SNX8: variants seen among roughly 807,000 people sequenced by gnomAD.
SNX8 encodes the protein sorting nexin-8.
In SNX8, 25 loss-of-function variants were observed where a neutral mutation model predicts 51.6. That is an observed-to-expected ratio of 0.48 (90% CI 0.35 to 0.68). The LOEUF (loss-of-function observed/expected upper bound fraction) is 0.68. SNX8 is among the 30% of genes least tolerant of loss of function. The probability of loss-of-function intolerance (pLI) is 0.00; values close to 1 mark genes in which losing one functional copy is unlikely to be tolerated. For missense variants in SNX8, 695 were observed against 624.0 expected (o/e 1.11, Z -1.21); for synonymous variants, 324 against 277.0 (o/e 1.17, Z -1.68).
At chr7:2,319,929 G>A (rs748875670) in intron 1 of SNX8, among the ~76,000 whole-genome samples, 5 of 152,060 alleles carry the variant, frequency 3.3e-5, no homozygotes, top group East Asian at 3.9e-4. Flanking sequence ...GCAGTGAGCC[G>A]AGATCATGCC....
intron 1 of SNX8, among the ~76,000 whole-genome samples, chr7:2,300,621 G>A (rs971150805): frequency 2.0e-5 from 3 of 151,308 alleles, no homozygotes; most frequent in African/African-American, 7.3e-5. Context: ...GCTATGTAAT[G>A]CCCAGGCTGG....
chr7:2,333,272 A>G (rs1778771971), intron 1 of SNX8, among the ~76,000 whole-genome samples: 1 of 152,094 alleles, frequency 6.6e-6, no homozygotes. Context: ...TTTACAAAAA[A>G]TAAAATTTGG....
chr7:2,328,334 G>C (rs1382775340), intron 1 of SNX8, among the ~76,000 whole-genome samples: 1 of 152,054 alleles, frequency 6.6e-6, no homozygotes, highest in Non-Finnish European at 1.5e-5. Context: ...TGGGATTACA[G>C]GTGTGAGCCA....
chr7:2,308,912 C>T (rs35879307), intron 1 of SNX8, among the ~76,000 whole-genome samples: 62,237 of 151,112 alleles, frequency 0.41, 15,677 homozygotes, highest in Non-Finnish European at 0.55. Flanking sequence ...ACCTCAGCCT[C>T]CCGAGTAGCT....
intron 1 of SNX8, among the ~76,000 whole-genome samples, chr7:2,331,282 A>C (rs1778730124): frequency 6.6e-6 from 1 of 151,894 alleles, no homozygotes; most frequent in South Asian, 2.1e-4. Context: ...CATCAAATCC[A>C]GAAAAGCTAC....
At chr7:2,279,333 C>T (rs1427911181) in intron 1 of SNX8, among the ~76,000 whole-genome samples, 1 of 151,702 alleles carries the variant, frequency 6.6e-6, no homozygotes, top group Non-Finnish European at 1.5e-5. Context: ...CGACGCTGGA[C>T]TCACTCACAC....
chr7:2,297,730 C>A (rs11763193), intron 1 of SNX8, among the ~76,000 whole-genome samples: 1 of 151,758 alleles, frequency 6.6e-6, no homozygotes, highest in East Asian at 1.9e-4. Context: ...GAAATCATGT[C>A]TTTTGCAGCA....
intron 1 of SNX8, among the ~76,000 whole-genome samples, chr7:2,304,462 T>G (rs1357542445): frequency 6.6e-6 from 1 of 151,406 alleles, no homozygotes; most frequent in Non-Finnish European, 1.5e-5. Flanking sequence ...GAGAATGGCG[T>G]GAACCCGGGA....
At position 2,257,401 on chromosome 7, in the gene SNX8, C is replaced by G; in HGVS notation, c.1098G>C (p.Pro366=). The G allele has an allele frequency of 1.2e-6, 2 of 1,610,218 alleles. No individual in the cohort carries two copies. The highest frequency in any genetic ancestry group is 1.7e-5 in the Admixed American group (1 of 59,964). The change falls in exon 9 of 11, where the codon CCG becomes CCC. Residue 366 remains proline, a synonymous_variant. Transcript: ENST00000222990. ...MMSATAQNRE[P]ESVEQLESRI... Reference sequence around the variant, plus strand: ...GGGACTCCAGCTGCTCCACGGACTCCGGCTCGCGGTTCTGCGCGGTGGCGC... The same window carrying G: ...GGGACTCCAGCTGCTCCACGGACTCGGGCTCGCGGTTCTGCGCGGTGGCGC...
intron 2 of SNX8, among the ~76,000 whole-genome samples, chr7:2,277,002 G>A (rs938693193): frequency 4.6e-5 from 7 of 152,232 alleles, no homozygotes; most frequent in African/African-American, 1.2e-4. Context: ...TGCTCATGAC[G>A]CTTTTCAAAC....
chr7:2,254,848 G>C lies in SNX8; in HGVS notation c.*208C>G, dbSNP rs942140410. ...ACCACCTCTCTCGACCAGGCTAGCA[G>C]GCCACAGGGCGAAGGACAGTGTGGC... On this transcript the variant is annotated 3_prime_UTR_variant, in exon 11 of 11. Transcript: ENST00000222990. 4 of 596,684 alleles carry C rather than the reference G, an allele frequency of 6.7e-6. No homozygotes were observed. The highest frequency in any genetic ancestry group is 3.9e-5 in the South Asian group (2 of 51,500). 37.0% of individuals were successfully genotyped at this position (596,684 alleles called of 1,614,324 possible). A position where few individuals can be genotyped will look rare whatever the true frequency, so the allele number is the denominator to read the frequency against.
chr7:2,347,210 A>G (rs143742143), intron 1 of SNX8, among the ~76,000 whole-genome samples: 15 of 152,088 alleles, frequency 9.9e-5, no homozygotes, highest in African/African-American at 3.6e-4. Flanking sequence ...GGCTGGGCGC[A>G]GTGGCTCACG....
chr7:2,327,088 G>A (rs1778634154), intron 1 of SNX8, among the ~76,000 whole-genome samples: 1 of 152,098 alleles, frequency 6.6e-6, no homozygotes, highest in Non-Finnish European at 1.5e-5. Context: ...AACTCATAGG[G>A]GAGGATTCCT....
rs140095697 is a variant in SNX8, at chr7:2,262,747, G to A, written c.915+483C>T. Among the ~76,000 whole-genome samples, 147 of 152,306 alleles carry A rather than the reference G, an allele frequency of 9.7e-4. 1 individual carries two copies. Among genetic ancestry groups the A allele is most frequent in the Middle Eastern group, 6.8e-3 (2 of 294 alleles). On this transcript the variant is annotated intron_variant, in intron 7 of 10. Transcript: ENST00000222990. Reference sequence around the variant, plus strand: ...GCAACCCCCTCTCGAAAGCGTAAACGCTCCCAGGGAGCCACCAGGAACAGA... The same window carrying A: ...GCAACCCCCTCTCGAAAGCGTAAACACTCCCAGGGAGCCACCAGGAACAGA...
intron 10 of SNX8, 111 bp from the exon 11 acceptor site, chr7:2,255,280 T>C (rs898419067): frequency 2.9e-6 from 2 of 679,176 alleles, no homozygotes; most frequent in African/African-American, 3.6e-5. Context: ...GGCCCTCAGG[T>C]GCGCCAGCTC....
At chr7:2,306,712 G>A (rs144591487) in intron 1 of SNX8, among the ~76,000 whole-genome samples, 2 of 152,182 alleles carry the variant, frequency 1.3e-5, no homozygotes, top group Non-Finnish European at 2.9e-5. Context: ...TGCAACGGCT[G>A]TTAAAAGGGG....
At chr7:2,271,085 C>T (rs1289375895) in intron 4 of SNX8, among the ~76,000 whole-genome samples, 1 of 152,184 alleles carries the variant, frequency 6.6e-6, no homozygotes, top group Admixed American at 6.5e-5. Flanking sequence ...ACTCTGTCGC[C>T]CAGGCTGGAG....
rs551259173 is a variant in SNX8, at chr7:2,268,217, G to A, written c.621+1342C>T. Reference sequence around the variant, plus strand: ...CCGCCCCATCTGGGATGTGAGGAGCGCCTCTGCCCGGCGAGACCCCGTCTG... The same window carrying A: ...CCGCCCCATCTGGGATGTGAGGAGCACCTCTGCCCGGCGAGACCCCGTCTG... On this transcript the variant is annotated intron_variant, in intron 5 of 10. Coordinates refer to ENST00000222990, the MANE Select transcript of SNX8 (RefSeq NM_013321.4). 2.1e-4 allele frequency among the ~76,000 whole-genome samples: 29 copies of A among 139,444 alleles called. 2 individuals carry two copies. The highest frequency in any genetic ancestry group is 7.3e-4 in the African/African-American group (26 of 35,740). The allele number at this position is 139,444 out of a possible 152,430, so 91.5% of individuals were successfully genotyped here.
chr7:2,313,657 G>A (rs1224073032), intron 1 of SNX8, among the ~76,000 whole-genome samples: 1 of 151,748 alleles, frequency 6.6e-6, no homozygotes, highest in Non-Finnish European at 1.5e-5. Context: ...GAGGCCAGAA[G>A]CTCCAGACCA....
Sources: gnomAD v4.1 joint callset for allele counts (sites outside exome capture counted in the v4.1 genomes callset) on GRCh38, gnomAD v4.1.1 for gene constraint, MANE v1.5 for transcripts, NCBI Gene and HGNC (gene_info 2026-07-23, HGNC 2026-07-21) for gene names.